The following TIAM1 variants were observed in gnomAD, a reference collection of about 807,000 sequenced individuals.
TIAM1 encodes rho guanine nucleotide exchange factor TIAM1.
In TIAM1, 65 loss-of-function variants were observed where a neutral mutation model predicts 163.5. That is an observed-to-expected ratio of 0.40 (90% CI 0.33 to 0.49). The LOEUF (loss-of-function observed/expected upper bound fraction) is 0.49. Among genes scored for constraint, TIAM1 ranks in the 20% least tolerant of loss-of-function variants. The probability of loss-of-function intolerance (pLI) is 0.77; values close to 1 mark genes in which losing one functional copy is unlikely to be tolerated. For missense variants in TIAM1, 1,789 were observed against 2,044.7 expected (o/e 0.87, Z 2.41); for synonymous variants, 833 against 810.1 (o/e 1.03, Z -0.48).
chr21:31,457,578 C>T (rs2147341007), intron 2 of TIAM1, among the ~76,000 whole-genome samples: 1 of 152,222 alleles, frequency 6.6e-6, no homozygotes, highest in Non-Finnish European at 1.5e-5. Flanking sequence ...ACGGAGACCA[C>T]AAATGTAGAT....
At chr21:31,211,049 C>T (rs6517017) in intron 10 of TIAM1, among the ~76,000 whole-genome samples, 13,471 of 151,436 alleles carry the variant, frequency 0.089, 1,922 homozygotes, top group African/African-American at 0.3. Flanking sequence ...CAGCACGACC[C>T]GGCGCCAGAG....
intron 2 of TIAM1, among the ~76,000 whole-genome samples, chr21:31,313,768 G>T (rs777651561): frequency 3.3e-5 from 5 of 152,116 alleles, no homozygotes; most frequent in African/African-American, 1.2e-4. Context: ...GTAGAGACGC[G>T]GTTTCACCAT....
chr21:31,539,788 G>C (rs2123267307), intron 1 of TIAM1, among the ~76,000 whole-genome samples: 1 of 152,270 alleles, frequency 6.6e-6, no homozygotes, highest in South Asian at 2.1e-4. Flanking sequence ...TCGCACCCAG[G>C]TTGTGTGGCC....
chr21:31,325,646 C>T (rs1225631852), intron 2 of TIAM1, among the ~76,000 whole-genome samples: 3 of 143,410 alleles, frequency 2.1e-5, no homozygotes, highest in Admixed American at 7.2e-5. Flanking sequence ...CCAGCCTGGG[C>T]GACAGAGCAA....
chr21:31,278,836 G>A lies in TIAM1; in HGVS notation c.-188-1928C>T, dbSNP rs892575494. On this transcript the variant is annotated intron_variant, in intron 2 of 27. Transcript: ENST00000541036. ...CTTTCCCTGGGCATCCTCCTTAAAC[G>A]GCTCTCTGCGAATTTCCGAATTTCC... Among the ~76,000 whole-genome samples the A allele has an allele frequency of 1.1e-4, 16 of 152,016 alleles. No homozygotes were observed. In the East Asian group the frequency reaches 1.7e-3, roughly 16 times the overall value.
chr21:31,293,171 G>T (rs1389987062), intron 2 of TIAM1, among the ~76,000 whole-genome samples: 1 of 152,094 alleles, frequency 6.6e-6, no homozygotes, highest in African/African-American at 2.4e-5. Flanking sequence ...GGGCTGCCAA[G>T]TTTGAAATCT....
upstream of TIAM1, chr21:31,344,350 T>G (rs544663189): frequency 6.6e-6 from 1 of 152,378 alleles, no homozygotes; most frequent in African/African-American, 2.4e-5. Flanking sequence ...ATCACCTCCC[T>G]CCTCTCCGCC....
At chr21:31,166,745 G>A (rs1278022772) in intron 15 of TIAM1, among the ~76,000 whole-genome samples, 1 of 152,224 alleles carries the variant, frequency 6.6e-6, no homozygotes, top group African/African-American at 2.4e-5. Context: ...CATTGCCAAA[G>A]CAAAAGTGCT....
intron 27 of TIAM1, among the ~76,000 whole-genome samples, chr21:31,122,207 C>T (rs1331374990): frequency 6.6e-6 from 1 of 151,946 alleles, no homozygotes; most frequent in African/African-American, 2.4e-5. Flanking sequence ...ATGGACACTA[C>T]TGTTGGTTGA....
intron 26 of TIAM1, among the ~76,000 whole-genome samples, chr21:31,125,255 G>A (rs1425207080): frequency 1.3e-5 from 2 of 149,682 alleles, no homozygotes; most frequent in South Asian, 2.1e-4. Flanking sequence ...CCTAGGAAGA[G>A]TTATTTTTCT....
intron 2 of TIAM1, among the ~76,000 whole-genome samples, chr21:31,420,849 C>T (rs1297807113): frequency 6.6e-6 from 1 of 152,062 alleles, no homozygotes. Flanking sequence ...CGGCCAGGTG[C>T]GGTGACTCAC....
intron 10 of TIAM1, chr21:31,213,163 C>T (rs2086976969): frequency 2.3e-6 from 1 of 432,494 alleles, no homozygotes; most frequent in African/African-American, 2.1e-5. Flanking sequence ...ACTCACACAT[C>T]AAATGGTAAG....
chr21:31,423,730 C>T (rs1274440630), intron 2 of TIAM1, among the ~76,000 whole-genome samples: 2 of 108,634 alleles, frequency 1.8e-5, no homozygotes, highest in African/African-American at 3.7e-5. Context: ...AAAAAAAAAA[C>T]CTTGAAAACA....
intron 16 of TIAM1, among the ~76,000 whole-genome samples, chr21:31,155,156 T>C (rs367636738): frequency 1.3e-5 from 2 of 152,202 alleles, no homozygotes; most frequent in African/African-American, 4.8e-5. Flanking sequence ...ACCATAAAGG[T>C]TGCACACGTT....
chr21:31,128,381 G>A (rs2082288266), intron 25 of TIAM1, among the ~76,000 whole-genome samples: 1 of 152,158 alleles, frequency 6.6e-6, no homozygotes, highest in South Asian at 2.1e-4. Flanking sequence ...AAAATAGAGA[G>A]TGAGAATGGA....
At chr21:31,189,106 G>A (rs535946039) in intron 13 of TIAM1, among the ~76,000 whole-genome samples, 4 of 135,024 alleles carry the variant, frequency 3.0e-5, no homozygotes, top group African/African-American at 1.1e-4. Context: ...CTAGGCTGGA[G>A]TGGAGTGGTG....
intron 9 of TIAM1, among the ~76,000 whole-genome samples, chr21:31,215,175 A>G (rs772050476): frequency 1.3e-5 from 2 of 152,164 alleles, no homozygotes; most frequent in Non-Finnish European, 2.9e-5. Flanking sequence ...ATCAAGCAGA[A>G]GCACATGAAC....
chr21:31,257,260 T>C (rs2072169045), intron 4 of TIAM1, among the ~76,000 whole-genome samples: 1 of 152,228 alleles, frequency 6.6e-6, no homozygotes, highest in Non-Finnish European at 1.5e-5. Flanking sequence ...TCTTTTTATG[T>C]TTCCAACAAC....
Position 31,137,500 on chromosome 21 carries a change from AGAG to A in TIAM1, c.3775-1462_3775-1460del, listed in dbSNP as rs751047681. 3.9e-5 allele frequency among the ~76,000 whole-genome samples: 6 copies of A among 152,132 alleles called. No homozygotes were observed. In the East Asian group the frequency reaches 5.8e-4, roughly 15 times the overall value. On this transcript the variant is annotated intron_variant, in intron 22 of 27. Transcript: ENST00000541036. ...CCTATCCCCCGAAGACCCACATAGA[AGAG>A]GAGGAGTTACATACAAAAGACAAAT... is the stretch of plus-strand genomic sequence containing the variant.
Sources: allele counts gnomAD v4.1 joint callset (sites outside exome capture counted in the v4.1 genomes callset), GRCh38; gene constraint gnomAD v4.1.1; transcripts MANE v1.5; gene names NCBI Gene and HGNC (gene_info 2026-07-23, HGNC 2026-07-21).